SGCZ: variants seen among roughly 807,000 people sequenced by gnomAD.
The protein encoded by SGCZ is sarcoglycan zeta.
SGCZ carries 40 observed loss-of-function variants against 41.3 expected under a neutral mutation model. The observed-to-expected ratio is 0.97, with a 90% CI of 0.75 to 1.26. The LOEUF (loss-of-function observed/expected upper bound fraction) is 1.26. Ranked by LOEUF, SGCZ falls within the 50% of genes most tolerant of loss-of-function variation. The pLI, the probability that SGCZ is intolerant of heterozygous loss-of-function variation, is 0.00. For synonymous variants in SGCZ, 206 were observed against 137.5 expected (o/e 1.50, Z -3.49); for missense variants, 552 against 369.8 (o/e 1.49, Z -4.04).
intron 2 of SGCZ, among the ~76,000 whole-genome samples, chr8:14,420,281 C>A (rs982080998): frequency 6.6e-6 from 1 of 151,886 alleles, no homozygotes; most frequent in South Asian, 2.1e-4. Flanking sequence ...AAAAATAAAT[C>A]TTTGCAGCCA....
At chr8:14,106,879 T>G (rs1025669791) in intron 6 of SGCZ, among the ~76,000 whole-genome samples, 7 of 152,090 alleles carry the variant, frequency 4.6e-5, no homozygotes, top group African/African-American at 1.7e-4. Flanking sequence ...CTATCATAAA[T>G]TAATTATTAT....
intron 1 of SGCZ, among the ~76,000 whole-genome samples, chr8:14,985,000 A>T (rs1301534386): frequency 1.3e-5 from 2 of 152,116 alleles, no homozygotes; most frequent in African/African-American, 4.8e-5. Flanking sequence ...TTTTCTTTAA[A>T]AATATCACGA....
At chr8:14,709,816 C>T (rs946356156) in intron 1 of SGCZ, among the ~76,000 whole-genome samples, 1 of 152,082 alleles carries the variant, frequency 6.6e-6, no homozygotes, top group African/African-American at 2.4e-5. Flanking sequence ...TTTATTGATG[C>T]CTTACTATGT....
At chr8:14,191,593 T>G (rs1316353700) in intron 4 of SGCZ, among the ~76,000 whole-genome samples, 1 of 152,178 alleles carries the variant, frequency 6.6e-6, no homozygotes, top group African/African-American at 2.4e-5. Flanking sequence ...CATCTCACTG[T>G]GTAAAACTCA....
chr8:14,441,520 A>G (rs1349825226), intron 2 of SGCZ, among the ~76,000 whole-genome samples: 2 of 152,222 alleles, frequency 1.3e-5, no homozygotes, highest in Non-Finnish European at 2.9e-5. Context: ...GGTTGCAGTA[A>G]GCCAAGATCA....
At chr8:15,143,099 T>C (rs1161858804) in intron 1 of SGCZ, among the ~76,000 whole-genome samples, 2 of 152,172 alleles carry the variant, frequency 1.3e-5, no homozygotes, top group Non-Finnish European at 2.9e-5. Context: ...CATGGCTATC[T>C]AGCAATACCA....
intron 1 of SGCZ, among the ~76,000 whole-genome samples, chr8:14,686,522 G>C (rs901125545): frequency 6.6e-6 from 1 of 152,016 alleles, no homozygotes. Flanking sequence ...GGTCACTAAG[G>C]CATATAGATT....
intron 2 of SGCZ, among the ~76,000 whole-genome samples, chr8:14,535,773 G>A (rs1012641531): frequency 2.0e-5 from 3 of 151,846 alleles, no homozygotes; most frequent in Non-Finnish European, 4.4e-5. Flanking sequence ...CCATTTTGGA[G>A]AATGGATTAG....
chr8:14,089,256 C>T lies in SGCZ; in HGVS notation c.*1187G>A, dbSNP rs988013076. 6.6e-6 allele frequency among the ~76,000 whole-genome samples: 1 copy of T among 151,926 alleles called. No homozygotes were observed. The highest frequency in any genetic ancestry group is 1.5e-5 in the Non-Finnish European group (1 of 67,936). ...TGTTAACAGCTGAATAGAAATGGGA[C>T]TAAATTCCCTAAAATATGAATGTAG... On this transcript the variant is annotated 3_prime_UTR_variant, in exon 8 of 8. Coordinates refer to ENST00000382080, the MANE Select transcript of SGCZ (RefSeq NM_139167.4).
chr8:14,580,994 C>G (rs17119857), intron 1 of SGCZ, among the ~76,000 whole-genome samples: 3,216 of 152,300 alleles, frequency 0.021, 123 homozygotes, highest in African/African-American at 0.073. Context: ...TCTTGAGAAC[C>G]ATAGCTACTG....
chr8:14,434,083 G>A (rs1800020100), intron 2 of SGCZ, among the ~76,000 whole-genome samples: 1 of 152,146 alleles, frequency 6.6e-6, no homozygotes, highest in Non-Finnish European at 1.5e-5. Context: ...TTATGTTATA[G>A]AATTTTTATA....
intron 5 of SGCZ, among the ~76,000 whole-genome samples, chr8:14,143,214 G>T: frequency 6.6e-6 from 1 of 152,224 alleles, no homozygotes; most frequent in African/African-American, 2.4e-5. Context: ...AACATTGTAC[G>T]TAATGATGAA....
chr8:14,518,605 C>G (rs1353305242), intron 2 of SGCZ, among the ~76,000 whole-genome samples: 1 of 151,944 alleles, frequency 6.6e-6, no homozygotes, highest in Non-Finnish European at 1.5e-5. Context: ...GGAGACCTAC[C>G]TACATCCACA....
In SGCZ at chr8:14,818,956, G is replaced by C. The variant is rs547416418; in HGVS notation, c.40-264030C>G. Among the ~76,000 whole-genome samples, 369 of 151,938 alleles carry C rather than the reference G, an allele frequency of 2.4e-3. 1 individual carries two copies. Among genetic ancestry groups the C allele is most frequent in the African/African-American group, 8.5e-3 (352 of 41,456 alleles). On this transcript the variant is annotated intron_variant, in intron 1 of 7. Transcript: ENST00000382080. ...CATTACAGGTATTCCAGTTGTAGAAGAGATAGAAAAAAGAACAGAAAAGTC... is the reference window on the plus strand; with the variant it reads ...CATTACAGGTATTCCAGTTGTAGAACAGATAGAAAAAAGAACAGAAAAGTC...
chr8:14,526,781 C>T (rs1429299407), intron 2 of SGCZ, among the ~76,000 whole-genome samples: 1 of 151,998 alleles, frequency 6.6e-6, no homozygotes, highest in Non-Finnish European at 1.5e-5. Context: ...TTTATGTCTT[C>T]TCTACTTATC....
chr8:14,442,872 G>C (rs1800313536), intron 2 of SGCZ, among the ~76,000 whole-genome samples: 1 of 151,920 alleles, frequency 6.6e-6, no homozygotes, highest in Admixed American at 6.6e-5. Context: ...TCTTAATGAA[G>C]CCTGTTTGCA....
intron 1 of SGCZ, among the ~76,000 whole-genome samples, chr8:15,161,058 C>A (rs1394200203): frequency 6.6e-6 from 1 of 152,074 alleles, no homozygotes; most frequent in Admixed American, 6.6e-5. Flanking sequence ...TCTTTCTCTG[C>A]AAGATCTGAA....
intron 1 of SGCZ, among the ~76,000 whole-genome samples, chr8:14,610,543 C>A (rs983747565): frequency 2.0e-5 from 3 of 152,086 alleles, no homozygotes; most frequent in African/African-American, 7.2e-5. Flanking sequence ...ACATAAAACT[C>A]ATCTTAAATG....
intron 2 of SGCZ, among the ~76,000 whole-genome samples, chr8:14,545,722 C>T (rs535436488): frequency 2.6e-5 from 4 of 152,172 alleles, no homozygotes; most frequent in Admixed American, 1.3e-4. Flanking sequence ...ACTAAAGTTC[C>T]CCACCCCCTC....
Sources: gnomAD v4.1 joint callset for allele counts (sites outside exome capture counted in the v4.1 genomes callset) on GRCh38, gnomAD v4.1.1 for gene constraint, MANE v1.5 for transcripts, NCBI Gene and HGNC (gene_info 2026-07-23, HGNC 2026-07-21) for gene names.